Variants in WNT10A observed in about 807,000 individuals in gnomAD.
WNT10A encodes protein Wnt-10a.
A neutral mutation model predicts 36.1 loss-of-function variants in WNT10A; 37 were observed. The observed-to-expected ratio is 1.02, with a 90% CI of 0.79 to 1.35. WNT10A has a LOEUF of 1.35. Among genes scored for constraint, WNT10A ranks in the 40% most tolerant of loss-of-function variants. WNT10A has a pLI of 0.00. For synonymous variants in WNT10A, 255 were observed against 254.1 expected (o/e 1.00, Z -0.03); for missense variants, 613 against 601.4 (o/e 1.02, Z -0.20).
the WNT10A span, among the ~76,000 whole-genome samples, chr2:218,874,775 G>A: frequency 6.6e-6 from 1 of 152,156 alleles, no homozygotes; most frequent in African/African-American, 2.4e-5. Flanking sequence ...GTTTGCAGTT[G>A]GTGCTGCTGC....
At chr2:218,881,776 C>A (rs1031649645) in intron 1 of WNT10A, among the ~76,000 whole-genome samples, 2 of 152,100 alleles carry the variant, frequency 1.3e-5, no homozygotes, top group South Asian at 2.1e-4. Flanking sequence ...TGTGTGTCCA[C>A]CACAATGTGT....
Position 218,880,954 on chromosome 2 carries a change from G to A in WNT10A, c.-42G>A, listed in dbSNP as rs540564186. On this transcript the variant is annotated 5_prime_UTR_variant, in exon 1 of 4. Transcript: ENST00000258411. The surrounding 1 kb of genome is among the most constrained non-coding windows in gnomAD (Gnocchi z 7.7). ...GCCCCTGGCTCTCCAGTCCCACTGG[G>A]CTGTGAGCCCCCCACTCCCAGCCCG... is the stretch of plus-strand genomic sequence containing the variant. 48 of 1,543,610 alleles carry A rather than the reference G, an allele frequency of 3.1e-5. 1 individual carries two copies. The African/African-American group carries it at 5.9e-4, about 19-fold the overall frequency.
intron 3 of WNT10A, among the ~76,000 whole-genome samples, chr2:218,892,169 G>C (rs563301702): frequency 6.6e-6 from 1 of 152,142 alleles, no homozygotes; most frequent in Non-Finnish European, 1.5e-5. Flanking sequence ...CAGCATAATC[G>C]GGGACAGTTT....
chr2:218,874,163 T>C, the WNT10A span: 1 of 349,820 alleles, frequency 2.9e-6, no homozygotes, highest in East Asian at 4.8e-5. Flanking sequence ...CTCTGGATAC[T>C]GGGCTCCCCA....
At chr2:218,891,933 TAGTA>T (rs1454126178) in intron 3 of WNT10A, among the ~76,000 whole-genome samples, 1 of 152,060 alleles carries the variant, frequency 6.6e-6, no homozygotes, top group African/African-American at 2.4e-5. Flanking sequence ...AAAGGGTTCT[TAGTA>T]AGGAGACTCT....
chr2:218,881,049 G>T lies in WNT10A; in HGVS notation c.54G>T (p.Pro18=). Residue 18 remains proline, a synonymous_variant, in exon 1 of 4, where the codon CCG becomes CCT. Transcript: ENST00000258411. ...TGCGGCTCCGACCCCAGCCCCAGCC[G>T]CGGCCAGCGCTCTGGGTGCTCCTGT... ...PWLRLRPQPQ[P]RPALWVLLFF... 6.2e-7 allele frequency: 1 copy of T among 1,603,872 alleles called. No homozygotes were observed. Among genetic ancestry groups the T allele is most frequent in the Non-Finnish European group, 8.5e-7 (1 of 1,175,636 alleles).
chr2:218,883,526 A>G (rs1179346521), intron 2 of WNT10A, among the ~76,000 whole-genome samples: 1 of 36,680 alleles, frequency 2.7e-5, no homozygotes, highest in Non-Finnish European at 6.0e-5. Context: ...GCCCAGCCCC[A>G]GGCCTCCCGC....
chr2:218,881,242 A>G, intron 1 of WNT10A, 134 bp downstream of exon 1: 2 of 1,339,178 alleles, frequency 1.5e-6, no homozygotes, highest in Non-Finnish European at 1.0e-6. Flanking sequence ...CTGGTGCCCA[A>G]CCAAAGGCAG....
intron 3 of WNT10A, among the ~76,000 whole-genome samples, chr2:218,892,306 CACACACACACACACACACACA>C (rs1944661676): frequency 1.8e-3 from 1 of 542 alleles, no homozygotes; most frequent in African/African-American, 0.029. Context: ...CACCCCACCA[CACACACACACACACACACACA>C]CACACACACA....
At chr2:218,881,688 A>G (rs886206319) in intron 1 of WNT10A, among the ~76,000 whole-genome samples, 3 of 152,084 alleles carry the variant, frequency 2.0e-5, no homozygotes, top group African/African-American at 7.2e-5. Flanking sequence ...ACATGTGTAA[A>G]TGGGAGTGTC....
chr2:218,881,932 C>T (rs1021375512), intron 1 of WNT10A, among the ~76,000 whole-genome samples: 5 of 152,134 alleles, frequency 3.3e-5, no homozygotes, highest in African/African-American at 7.2e-5. Context: ...TGCATTTGCA[C>T]GCTTACCTGT....
chr2:218,886,090 C>T (rs1944573914), intron 2 of WNT10A, among the ~76,000 whole-genome samples: 1 of 152,128 alleles, frequency 6.6e-6, no homozygotes, highest in Non-Finnish European at 1.5e-5. Context: ...AGTTTGCACC[C>T]AATCCCCTTC....
At chr2:218,885,232 G>T (rs1944565432) in intron 2 of WNT10A, among the ~76,000 whole-genome samples, 1 of 152,192 alleles carries the variant, frequency 6.6e-6, no homozygotes, top group South Asian at 2.1e-4. Flanking sequence ...AAAAGCTGTG[G>T]GAGGGCACCA....
intron 2 of WNT10A, among the ~76,000 whole-genome samples, chr2:218,882,689 C>A (rs1944532604): frequency 6.6e-6 from 1 of 152,182 alleles, no homozygotes. Context: ...TCATCCTGCC[C>A]TATCACTGAC....
At chr2:218,875,263 A>G in the WNT10A span, among the ~76,000 whole-genome samples, 1 of 127,920 alleles carries the variant, frequency 7.8e-6, no homozygotes, top group Non-Finnish European at 1.5e-5. Context: ...ATCTCAGCTC[A>G]CTGCAAGTTC....
At position 218,890,325 on chromosome 2, in the gene WNT10A, G is replaced by C; in HGVS notation, c.718G>C (p.Ala240Pro). 1 of 1,601,496 alleles carries C rather than the reference G, an allele frequency of 6.2e-7. No individual in the cohort carries two copies. The highest frequency in any genetic ancestry group is 8.5e-7 in the Non-Finnish European group (1 of 1,179,940). Reference protein sequence around the residue: ...DSREPHRDIHARMRLHNNRVG... With the variant: ...DSREPHRDIHPRMRLHNNRVG... ...CCGGGAGCCTCACAGAGACATCCAC[G>C]CGAGAATGAGGCTTCACAACAACCG... Residue 240 changes from alanine (A) to proline (P), a missense_variant, in exon 3 of 4, where the codon GCG (alanine) becomes CCG (proline). Transcript: ENST00000258411.
Position 218,890,292 on chromosome 2 carries a change from C to T in WNT10A, c.685C>T (p.Leu229=). 6.2e-7 allele frequency: 1 copy of T among 1,607,340 alleles called. No individual in the cohort carries two copies. The highest frequency in any genetic ancestry group is 8.5e-7 in the Non-Finnish European group (1 of 1,179,950). ...CGGGGAGCGCTTTTCTAAGGACTTT[C>T]TGGACTCCCGGGAGCCTCACAGAGA... ...GFGERFSKDF[L]DSREPHRDIH... The change falls in exon 3 of 4, where the codon CTG becomes TTG. Residue 229 remains leucine, a synonymous_variant. Coordinates refer to ENST00000258411, the MANE Select transcript of WNT10A (RefSeq NM_025216.3).
At chr2:218,888,010 A>G (rs1328969732) in intron 2 of WNT10A, among the ~76,000 whole-genome samples, 1 of 152,222 alleles carries the variant, frequency 6.6e-6, no homozygotes, top group Admixed American at 6.5e-5. Context: ...GGTTTCAGGA[A>G]TTAGTTCTTA....
Position 218,893,214 on chromosome 2 carries a change from C to A in WNT10A, c.1197C>A (p.Cys399Ter). Reference protein sequence around the residue: ...SERCHCRFHWCCFVVCEECRI... With the variant: ...SERCHCRFHW The stretch of plus-strand genomic sequence containing the variant: ...GCTGCCACTGCCGCTTCCACTGGTG[C>A]TGTTTCGTGGTCTGCGAAGAGTGCC... The change falls in exon 4 of 4, where the codon TGC becomes TGA. Residue 399 changes from cysteine (C) to a stop codon, truncating the protein, a stop_gained. Transcript: ENST00000258411. LOFTEE classifies it high-confidence loss of function. The surrounding 1 kb of genome is among the most constrained non-coding windows in gnomAD (Gnocchi z 6.3). 2 of 1,573,842 alleles carry A rather than the reference C, an allele frequency of 1.3e-6. No homozygotes were observed. The highest frequency in any genetic ancestry group is 1.7e-6 in the Non-Finnish European group (2 of 1,166,250).
Sources: gnomAD v4.1 joint callset for allele counts (sites outside exome capture counted in the v4.1 genomes callset) on GRCh38, gnomAD v4.1.1 for gene constraint, Gnocchi (gnomAD v3.1) non-coding constraint, MANE v1.5 for transcripts, NCBI Gene and HGNC (gene_info 2026-07-23, HGNC 2026-07-21) for gene names.